Variants in ADAMTS18 observed in about 807,000 individuals in gnomAD.
ADAMTS18 encodes the protein A disintegrin and metalloproteinase with thrombospondin motifs 18.
A neutral mutation model predicts 165.9 loss-of-function variants in ADAMTS18; 157 were observed. That is an observed-to-expected ratio of 0.95 (90% CI 0.83 to 1.08). The LOEUF (loss-of-function observed/expected upper bound fraction) is 1.08, where lower values mean the gene tolerates loss of function less well. ADAMTS18 is among the 50% of genes least tolerant of loss of function. The pLI is 0.00. For missense variants in ADAMTS18, 2,040 were observed against 1,534.0 expected (o/e 1.33, Z -5.51); for synonymous variants, 782 against 578.2 (o/e 1.35, Z -5.06).
At chr16:77,343,820 G>A (rs2056434996) in intron 10 of ADAMTS18, among the ~76,000 whole-genome samples, 1 of 152,108 alleles carries the variant, frequency 6.6e-6, no homozygotes, top group Non-Finnish European at 1.5e-5. Flanking sequence ...CATTGTGAAA[G>A]GTCAAAGTGA....
chr16:77,367,620 T>G lies in ADAMTS18; in HGVS notation c.599A>C (p.His200Pro). 1.9e-6 allele frequency: 3 copies of G among 1,614,162 alleles called. No individual in the cohort carries two copies. The highest frequency in any genetic ancestry group is 2.5e-6 in the Non-Finnish European group (3 of 1,180,026). ...NYSSPAGHHP[H>P]VLYKRTAEEK... ...CTCTGCTGTCCTTTTGTACAGTACGTGAGGATGGTGACCCGCAGGGGAGCT... is the reference window on the plus strand; with the variant it reads ...CTCTGCTGTCCTTTTGTACAGTACGGGAGGATGGTGACCCGCAGGGGAGCT... The change falls in exon 4 of 23, where the codon CAC becomes CCC. Residue 200 changes from histidine (H) to proline (P), a missense_variant. Coordinates refer to ENST00000282849, the MANE Select transcript of ADAMTS18 (RefSeq NM_199355.4).
intron 13 of ADAMTS18, among the ~76,000 whole-genome samples, chr16:77,323,896 G>C (rs947813322): frequency 3.9e-5 from 6 of 152,274 alleles, no homozygotes; most frequent in African/African-American, 1.4e-4. Flanking sequence ...TACACAAAAA[G>C]AGTTCAGTAA....
intron 3 of ADAMTS18, among the ~76,000 whole-genome samples, chr16:77,378,445 T>C (rs1289900685): frequency 6.6e-6 from 1 of 151,998 alleles, no homozygotes; most frequent in African/African-American, 2.4e-5. Context: ...CTGGGCACGG[T>C]AGCTCACACC....
At chr16:77,345,110 T>C (rs1357076216) in intron 10 of ADAMTS18, among the ~76,000 whole-genome samples, 1 of 152,188 alleles carries the variant, frequency 6.6e-6, no homozygotes, top group Non-Finnish European at 1.5e-5. Context: ...GTCCCAATGC[T>C]ATCCATTATT....
At chr16:77,386,361 A>G (rs2057107670) in intron 3 of ADAMTS18, among the ~76,000 whole-genome samples, 1 of 152,102 alleles carries the variant, frequency 6.6e-6, no homozygotes, top group African/African-American at 2.4e-5. Context: ...ATAGACTACA[A>G]ACCTATACCT....
At chr16:77,364,711 A>G (rs369318706) in intron 4 of ADAMTS18, among the ~76,000 whole-genome samples, 4 of 149,682 alleles carry the variant, frequency 2.7e-5, no homozygotes, top group East Asian at 4.0e-4. Flanking sequence ...TAGTAACTCA[A>G]AAATGCTCTA....
At chr16:77,296,477 C>T (rs1047941560) in intron 18 of ADAMTS18, among the ~76,000 whole-genome samples, 2 of 152,106 alleles carry the variant, frequency 1.3e-5, no homozygotes, top group African/African-American at 4.8e-5. Context: ...GCAAATTGAA[C>T]TAATTTAGGA....
intron 7 of ADAMTS18, 124 bp from the exon 8 acceptor site, chr16:77,359,547 TGGAAAA>T: frequency 1.6e-6 from 1 of 619,614 alleles, no homozygotes; most frequent in Non-Finnish European, 2.6e-6. Context: ...TCAGTGTTTT[TGGAAAA>T]AAAAAAAAAA....
At chr16:77,373,598 A>G (rs2056908127) in intron 3 of ADAMTS18, among the ~76,000 whole-genome samples, 1 of 152,176 alleles carries the variant, frequency 6.6e-6, no homozygotes, top group African/African-American at 2.4e-5. Flanking sequence ...AAAAGTGTAC[A>G]AATTGGGTGC....
At chr16:77,366,812 G>C (rs1385336988) in intron 4 of ADAMTS18, among the ~76,000 whole-genome samples, 1 of 152,076 alleles carries the variant, frequency 6.6e-6, no homozygotes, top group Non-Finnish European at 1.5e-5. Context: ...CTAATAATTT[G>C]TTATCCTGAT....
intron 16 of ADAMTS18, among the ~76,000 whole-genome samples, chr16:77,314,636 T>TGG (rs2055847982): frequency 8.6e-6 from 1 of 115,630 alleles, no homozygotes; most frequent in African/African-American, 3.8e-5. Context: ...TGTGTGTGTA[T>TGG]GTGTGTGTGT....
intron 13 of ADAMTS18, among the ~76,000 whole-genome samples, chr16:77,324,257 A>G (rs2056055082): frequency 6.6e-6 from 1 of 152,208 alleles, no homozygotes; most frequent in Non-Finnish European, 1.5e-5. Flanking sequence ...ACCAACAGAA[A>G]GGAAATCTTC....
chr16:77,418,620 T>C (rs1377807952), intron 3 of ADAMTS18, among the ~76,000 whole-genome samples: 2 of 152,148 alleles, frequency 1.3e-5, no homozygotes, highest in Non-Finnish European at 1.5e-5. Flanking sequence ...TGAGAAACCC[T>C]GAGCTAAACA....
rs1032369394 is a variant in ADAMTS18 at position 77,312,386 on chromosome 16, C to T, written c.2532+7463G>A. Among the ~76,000 whole-genome samples the T allele has an allele frequency of 1.1e-4, 16 of 152,044 alleles. 1 individual carries two copies. The highest frequency in any genetic ancestry group is 2.9e-4 in the African/African-American group (12 of 41,382). ...CCCAGTACCTAGGATTATAGGCGCC[C>T]GCCACCATGCCCAGCTAATTTTTGT... On this transcript the variant is annotated intron_variant, in intron 16 of 22. Transcript: ENST00000282849.
chr16:77,419,271 C>A (rs151263724), intron 3 of ADAMTS18, among the ~76,000 whole-genome samples: 33 of 152,256 alleles, frequency 2.2e-4, no homozygotes, highest in African/African-American at 7.5e-4. Flanking sequence ...TTTTTGGAGG[C>A]TCCAAGAAAG....
intron 3 of ADAMTS18, among the ~76,000 whole-genome samples, chr16:77,422,372 A>G (rs1217291735): frequency 6.6e-6 from 1 of 151,812 alleles, no homozygotes; most frequent in African/African-American, 2.4e-5. Context: ...TCAGGTGGCC[A>G]CACATGCAGA....
chr16:77,300,468 C>G, intron 16 of ADAMTS18, 64 bp from the exon 17 acceptor site: 1 of 1,553,072 alleles, frequency 6.4e-7, no homozygotes, highest in East Asian at 2.2e-5. Flanking sequence ...TTCCAGAAAT[C>G]TTACTGAACA....
intron 3 of ADAMTS18, among the ~76,000 whole-genome samples, chr16:77,398,604 T>C (rs116792082): frequency 0.016 from 2,441 of 152,240 alleles, 63 homozygotes; most frequent in African/African-American, 0.056. Flanking sequence ...TCTGCACTGT[T>C]GACATTTTGG....
chr16:77,337,134 T>G (rs1460788208), intron 11 of ADAMTS18, among the ~76,000 whole-genome samples: 1 of 152,238 alleles, frequency 6.6e-6, no homozygotes, highest in African/African-American at 2.4e-5. Context: ...TTAATTTTTC[T>G]TTTCCCTGGA....
Sources: gnomAD v4.1 joint callset for allele counts (sites outside exome capture counted in the v4.1 genomes callset) on GRCh38, gnomAD v4.1.1 for gene constraint, MANE v1.5 for transcripts, NCBI Gene and HGNC (gene_info 2026-07-23, HGNC 2026-07-21) for gene names.